ABCA9: variants seen among roughly 807,000 people sequenced by gnomAD.
The protein encoded by ABCA9 is ATP binding cassette subfamily A member 9.
A neutral mutation model predicts 205.3 loss-of-function variants in ABCA9; 183 were observed. The ratio of observed to expected loss-of-function variants is 0.89; its 90% CI spans 0.79 to 1.01. ABCA9 has a LOEUF of 1.01. Ranked by LOEUF, ABCA9 falls within the 50% of genes least tolerant of loss-of-function variation. ABCA9 has a pLI of 0.00. For missense variants in ABCA9, 1,805 were observed against 1,912.4 expected, an observed-to-expected ratio of 0.94 and a Z score of 1.05; for synonymous variants, 651 against 683.3, an observed-to-expected ratio of 0.95 and a Z score of 0.74.
At chr17:69,063,824 G>A (rs1356628504), upstream of ABCA9, among the ~76,000 whole-genome samples, 1 of 152,118 alleles carries the variant, frequency 6.6e-6, no homozygotes, top group Non-Finnish European at 1.5e-5. Flanking sequence ...CGCCCGCCTC[G>A]GCCTCCCAAA....
At chr17:69,048,426 T>A (rs202110616) in intron 3 of ABCA9, among the ~76,000 whole-genome samples, 1 of 151,992 alleles carries the variant, frequency 6.6e-6, no homozygotes, top group Admixed American at 6.6e-5. Context: ...AGCATGGACT[T>A]ACGCCACATT....
At chr17:68,994,258 C>T (rs939503018) in intron 26 of ABCA9, among the ~76,000 whole-genome samples, 1 of 152,228 alleles carries the variant, frequency 6.6e-6, no homozygotes, top group Non-Finnish European at 1.5e-5. Flanking sequence ...CTCTAACCCA[C>T]CAACTCCTTT....
chr17:69,077,328 T>A, the ABCA9 span, among the ~76,000 whole-genome samples: 1 of 152,122 alleles, frequency 6.6e-6, no homozygotes, highest in Admixed American at 6.6e-5. Flanking sequence ...TGGGGAGATC[T>A]TCTTGGTATT....
intron 23 of ABCA9, among the ~76,000 whole-genome samples, chr17:69,011,493 TG>T (rs1182258363): frequency 6.6e-6 from 1 of 152,100 alleles, no homozygotes; most frequent in African/African-American, 2.4e-5. Context: ...CATGAAGACA[TG>T]GGAGAGTAGC....
At chr17:69,004,464 C>A (rs972998181) in intron 25 of ABCA9, among the ~76,000 whole-genome samples, 4 of 152,212 alleles carry the variant, frequency 2.6e-5, no homozygotes. Context: ...AGGCAGTCTG[C>A]CCGTTCTCAG....
chr17:68,980,460 A>C (rs2069013788), intron 37 of ABCA9, among the ~76,000 whole-genome samples: 1 of 152,138 alleles, frequency 6.6e-6, no homozygotes, highest in South Asian at 2.1e-4. Flanking sequence ...ATTATAAATC[A>C]TGCTGCTATA....
At chr17:69,060,817 T>C (rs2072221146) in intron 1 of ABCA9, 49 bp downstream of exon 1, 1 of 967,618 alleles carries the variant, frequency 1.0e-6, no homozygotes, top group Non-Finnish European at 1.2e-6. Context: ...TATAGTCTTA[T>C]GTTATATTTC....
intron 26 of ABCA9, among the ~76,000 whole-genome samples, chr17:68,995,226 C>A (rs527778938): frequency 2.6e-5 from 4 of 152,110 alleles, no homozygotes; most frequent in African/African-American, 4.8e-5. Flanking sequence ...CCCTTATGAG[C>A]GTCTGAGAAG....
chr17:69,038,629 C>T lies in ABCA9; in HGVS notation c.801-2828G>A, dbSNP rs141518032. Among the ~76,000 whole-genome samples, 247 of 152,090 alleles carry T rather than the reference C, an allele frequency of 1.6e-3. 2 individuals are homozygous for T. Among genetic ancestry groups the T allele is most frequent in the African/African-American group, 5.0e-3 (209 of 41,546 alleles). On this transcript the variant is annotated intron_variant, in intron 6 of 38. Transcript: ENST00000340001. ...CAATATCATACTGAATGGGCAAAAG[C>T]AGAAACATTCTCTTTGAAAACCAGC...
chr17:69,032,119 T>C lies in ABCA9; in HGVS notation c.1434A>G (p.Lys478=), dbSNP rs2302291. 0.65 allele frequency: 1,043,493 copies of C among 1,608,448 alleles called. 352,981 individuals are homozygous for C. Among genetic ancestry groups the C allele is most frequent in the Non-Finnish European group, 0.7 (825,815 of 1,177,560 alleles). Residue 478 remains lysine (K), a synonymous_variant, in exon 10 of 39, where the codon AAA becomes AAG. Transcript: ENST00000340001. ...FEPVSPEFCG[K]EAIRIKNLKK... is the part of the protein sequence containing the mutation. ...AATTTATTGGTTACCTGATGGCTTC[T>C]TTCCCACAGAATTCTGGAGACACTG...
At chr17:68,991,038 C>A in intron 28 of ABCA9, 81 bp from the exon 29 acceptor site, 1 of 1,489,446 alleles carries the variant, frequency 6.7e-7, no homozygotes, top group Non-Finnish European at 9.1e-7. Context: ...TCTATACTTC[C>A]AATTTTTGGA....
At chr17:69,030,652 C>T (rs949059943) in intron 10 of ABCA9, among the ~76,000 whole-genome samples, 1 of 152,120 alleles carries the variant, frequency 6.6e-6, no homozygotes, top group African/African-American at 2.4e-5. Context: ...AACTTCGTAG[C>T]CTTGGGCAAG....
At chr17:68,990,677 T>C (rs991877495) in intron 29 of ABCA9, among the ~76,000 whole-genome samples, 160 bp downstream of exon 29, 5 of 152,194 alleles carry the variant, frequency 3.3e-5, no homozygotes, top group Non-Finnish European at 7.3e-5. Flanking sequence ...CTTTGCTCTC[T>C]TACATTTGTG....
In ABCA9 at chr17:68,983,779, TCTTCAG is replaced by T; in HGVS notation, c.4564_4569del (p.Leu1522_Lys1523del). On this transcript the variant is annotated inframe_deletion, in exon 36 of 39. Coordinates refer to ENST00000340001, the MANE Select transcript of ABCA9 (RefSeq NM_080283.4). ...TGGAGGGGCTCCATTTGTGCCAGGT[TCTTCAG>T]CTTCATCTCCAGCAGGTAGTCTTTG... 6.2e-7 allele frequency: 1 copy of T among 1,614,226 alleles called. No individual in the cohort carries two copies. Among genetic ancestry groups the T allele is most frequent in the South Asian group, 1.1e-5 (1 of 91,090 alleles).
In ABCA9 at chr17:68,985,112, T is replaced by G. The variant is rs767059980; in HGVS notation, c.4225A>C (p.Lys1409Gln). 1.9e-6 allele frequency: 3 copies of G among 1,614,190 alleles called. No individual in the cohort carries two copies. In the South Asian group the frequency reaches 3.3e-5, roughly 18 times the overall value. Residue 1409 changes from lysine to glutamine, a missense_variant, in exon 33 of 39, where the codon AAG (lysine) becomes CAG (glutamine). By Grantham distance (53) the Lys-to-Gln change is moderately conservative. Coordinates refer to ENST00000340001, the MANE Select transcript of ABCA9 (RefSeq NM_080283.4). The part of the protein sequence containing the change: ...IAITRLVDAL[K>Q]LQDQLKAPVK... Reference sequence around the variant, plus strand: ...GGAGCCTTCAGCTGGTCCTGCAGCTTGAGCGCATCCACTAACCTGAAGAAA... The same window carrying G: ...GGAGCCTTCAGCTGGTCCTGCAGCTGGAGCGCATCCACTAACCTGAAGAAA...
rs767986919 is a variant in ABCA9, at chr17:69,035,382, G to T, written c.992C>A (p.Thr331Lys). The change falls in exon 8 of 39, where the codon ACG (threonine) becomes AAG (lysine). Residue 331 changes from threonine (T) to lysine (K), a missense_variant. Thr to Lys is a moderately conservative substitution (Grantham distance 78). Transcript: ENST00000340001. Reference sequence around the variant, plus strand: ...AATAAGGAGAAACACAACCAAGCCCGTAAGGAAAGGTTTCTTTATCAACAC... The same window carrying T: ...AATAAGGAGAAACACAACCAAGCCCTTAAGGAAAGGTTTCTTTATCAACAC... The part of the protein sequence containing the change: ...MSVLIKKPFL[T>K]GLVVFLLIVF... 4 of 1,604,278 alleles carry T rather than the reference G, an allele frequency of 2.5e-6. No individual in the cohort carries two copies. Among genetic ancestry groups the T allele is most frequent in the Non-Finnish European group, 2.6e-6 (3 of 1,175,332 alleles).
In ABCA9 at chr17:69,022,841, A is replaced by AATCT; in HGVS notation, c.2282-984_2282-981dup. On this transcript the variant is annotated intron_variant, in intron 17 of 38. Coordinates refer to ENST00000340001, the MANE Select transcript of ABCA9 (RefSeq NM_080283.4). Reference sequence around the variant, plus strand: ...AATATTGGGATAAATTAAAGACTTCAATCTTAATTATGTGTTGGACAAAGA... The same window carrying AATCT: ...AATATTGGGATAAATTAAAGACTTCAATCTATCTTAATTATGTGTTGGACAAAGA... 2.0e-5 allele frequency among the ~76,000 whole-genome samples: 3 copies of AATCT among 152,322 alleles called. No homozygotes were observed. The East Asian group carries it at 5.8e-4, about 29-fold the overall frequency.
At chr17:69,008,036 A>C (rs1334093903) in intron 24 of ABCA9, 26 bp downstream of exon 24, 1 of 1,577,696 alleles carries the variant, frequency 6.3e-7, no homozygotes, top group Non-Finnish European at 8.7e-7. Context: ...GTCTAATAAA[A>C]CCATTTCAAA....
chr17:69,062,394 T>C (rs985298007), upstream of ABCA9, among the ~76,000 whole-genome samples: 3 of 152,154 alleles, frequency 2.0e-5, no homozygotes, highest in African/African-American at 7.2e-5. Flanking sequence ...AATTCTGTTT[T>C]CAATGTTTCC....
Sources: gnomAD v4.1 joint callset for allele counts (sites outside exome capture counted in the v4.1 genomes callset) on GRCh38, gnomAD v4.1.1 for gene constraint, MANE v1.5 for transcripts, NCBI Gene and HGNC (gene_info 2026-07-23, HGNC 2026-07-21) for gene names.